FBXO40: variants seen among roughly 807,000 people sequenced by gnomAD.
The protein encoded by FBXO40 is F-box only protein 40.
Under a neutral mutation model 49.9 loss-of-function variants are expected in FBXO40, and 50 were observed. That is an observed-to-expected ratio of 1.00 (90% CI 0.80 to 1.27). The LOEUF is 1.27. Ranked by LOEUF, FBXO40 falls within the 50% of genes most tolerant of loss-of-function variation. FBXO40 has a pLI of 0.00. For synonymous variants in FBXO40, 340 were observed against 320.2 expected (o/e 1.06, Z -0.66); for missense variants, 895 against 870.1 (o/e 1.03, Z -0.36).
In FBXO40 at chr3:121,627,023, C is replaced by T. The variant is rs952501445; in HGVS notation, c.*113C>T. 18 of 962,658 alleles carry T rather than the reference C, an allele frequency of 1.9e-5. No individual in the cohort carries two copies. The highest frequency in any genetic ancestry group is 4.2e-5 in the Admixed American group (2 of 47,276). 59.6% of individuals were successfully genotyped at this position (962,658 alleles called of 1,614,324 possible). A position where few individuals can be genotyped will look rare whatever the true frequency, so the allele number is the denominator to read the frequency against. On this transcript the variant is annotated 3_prime_UTR_variant, in exon 4 of 4. Coordinates refer to ENST00000338040, the MANE Select transcript of FBXO40 (RefSeq NM_016298.4). ...TTCTGTAAACTGCCTATTTGCTTATCGGGGTGTATTGGAACACGCAATGTC... is the reference window on the plus strand; with the variant it reads ...TTCTGTAAACTGCCTATTTGCTTATTGGGGTGTATTGGAACACGCAATGTC...
In FBXO40 at chr3:121,622,774, G is replaced by T. The variant is rs143267823; in HGVS notation, c.1345G>T (p.Ala449Ser). The T allele has an allele frequency of 3.1e-6, 5 of 1,614,004 alleles. No homozygotes were observed. The African/African-American group carries it at 5.3e-5, about 17-fold the overall frequency. ...TGGGACAGTGCTGGCTGACCTAACC[G>T]CTGCCACCCCAGGGGGACTCCACGT... ...SSGTVLADLTAATPGGLHVEL... is the reference protein window; with the variant it reads ...SSGTVLADLTSATPGGLHVEL... Residue 449 changes from alanine to serine, a missense_variant, in exon 3 of 4, where the codon GCT (alanine) becomes TCT (serine). Transcript: ENST00000338040.
chr3:121,604,934 CTTTA>C (rs138412565), intron 1 of FBXO40, among the ~76,000 whole-genome samples: 63,169 of 145,436 alleles, frequency 0.43, 14,029 homozygotes, highest in Middle Eastern at 0.49. Context: ...GGTTGGCTGG[CTTTA>C]TTTATTTATT....
Position 121,627,064 on chromosome 3 carries a change from A to G in FBXO40, c.*154A>G. 1 of 647,546 alleles carries G rather than the reference A, an allele frequency of 1.5e-6. No homozygotes were observed. The allele number at this position is 647,546 out of a possible 1,614,324, so 40.1% of individuals were successfully genotyped here. On this transcript the variant is annotated 3_prime_UTR_variant, in exon 4 of 4. Transcript: ENST00000338040. Reference sequence around the variant, plus strand: ...ACGCAATGTCCTTCGAAACCTCAACACGAGGCCTAAGAATTTCCTAAGCCA... The same window carrying G: ...ACGCAATGTCCTTCGAAACCTCAACGCGAGGCCTAAGAATTTCCTAAGCCA...
chr3:121,612,725 G>T (rs1213978289), intron 1 of FBXO40, among the ~76,000 whole-genome samples: 1 of 151,946 alleles, frequency 6.6e-6, no homozygotes, highest in Non-Finnish European at 1.5e-5. Flanking sequence ...AACACCTGAG[G>T]TCCACCTTTC....
Position 121,629,058 on chromosome 3 carries a change from T to A in FBXO40, c.*2148T>A, listed in dbSNP as rs1360421043. ...AACAAAAGAAACAATCTAGTCAATCTGGGTGCTTTTATTTCCTGGGTTCTC... is the reference window on the plus strand; with the variant it reads ...AACAAAAGAAACAATCTAGTCAATCAGGGTGCTTTTATTTCCTGGGTTCTC... On this transcript the variant is annotated 3_prime_UTR_variant, in exon 4 of 4. Coordinates refer to ENST00000338040, the MANE Select transcript of FBXO40 (RefSeq NM_016298.4). The A allele has an allele frequency of 6.6e-6, 1 of 152,208 alleles. No homozygotes were observed. The highest frequency in any genetic ancestry group is 1.5e-5 in the Non-Finnish European group (1 of 68,036). The allele number at this position is 152,208 out of a possible 1,614,324, so 9.4% of individuals were successfully genotyped here. A position where few individuals can be genotyped will look rare whatever the true frequency, so the allele number is the denominator to read the frequency against.
intron 1 of FBXO40, among the ~76,000 whole-genome samples, chr3:121,617,648 G>C (rs917397019): frequency 6.6e-6 from 1 of 151,924 alleles, no homozygotes; most frequent in Non-Finnish European, 1.5e-5. Flanking sequence ...ATAAGTTCTA[G>C]TATTTGATAA....
In FBXO40 at chr3:121,630,154, T is replaced by C. The variant is rs755586548; in HGVS notation, c.*3244T>C. 11 of 152,248 alleles carry C rather than the reference T, an allele frequency of 7.2e-5. No homozygotes were observed. The highest frequency in any genetic ancestry group is 1.3e-4 in the Non-Finnish European group (9 of 68,050). The allele number at this position is 152,248 out of a possible 1,614,324, so 9.4% of individuals were successfully genotyped here. On this transcript the variant is annotated 3_prime_UTR_variant, in exon 4 of 4. Transcript: ENST00000338040. ...CTTGAAGATACGTCACGAAAATCACTATAAAAGTCTGATTTATGTGTGATG... is the reference window on the plus strand; with the variant it reads ...CTTGAAGATACGTCACGAAAATCACCATAAAAGTCTGATTTATGTGTGATG...
intron 3 of FBXO40, among the ~76,000 whole-genome samples, chr3:121,623,675 T>C (rs1365816709): frequency 1.4e-5 from 2 of 147,946 alleles, no homozygotes; most frequent in African/African-American, 5.1e-5. Flanking sequence ...CCTTAACAAA[T>C]ATTTTTAAAG....
chr3:121,598,813 G>A (rs999356945), intron 1 of FBXO40, among the ~76,000 whole-genome samples: 3 of 152,140 alleles, frequency 2.0e-5, no homozygotes, highest in Admixed American at 2.0e-4. Flanking sequence ...ACTGAACTGG[G>A]CCCAATTTAC....
rs1184687916 is a variant in FBXO40 at position 121,628,845 on chromosome 3, A to G, written c.*1935A>G. 2.0e-5 allele frequency: 3 copies of G among 152,238 alleles called. No individual in the cohort carries two copies. The highest frequency in any genetic ancestry group is 4.4e-5 in the Non-Finnish European group (3 of 68,048). 9.4% of individuals were successfully genotyped at this position (152,238 alleles called of 1,614,324 possible). ...TCATGTCCTTCAGCCACCCCCAAGAATGTATCCTTTCAGCTCTCTTTGGTT... is the reference window on the plus strand; with the variant it reads ...TCATGTCCTTCAGCCACCCCCAAGAGTGTATCCTTTCAGCTCTCTTTGGTT... On this transcript the variant is annotated 3_prime_UTR_variant, in exon 4 of 4. Transcript: ENST00000338040.
intron 1 of FBXO40, among the ~76,000 whole-genome samples, chr3:121,600,899 G>C (rs1237647389): frequency 6.6e-6 from 1 of 152,150 alleles, no homozygotes; most frequent in Non-Finnish European, 1.5e-5. Flanking sequence ...AAACCCCATG[G>C]GGGATAAGGA....
At chr3:121,624,348 A>C (rs968491974) in intron 3 of FBXO40, among the ~76,000 whole-genome samples, 2 of 152,152 alleles carry the variant, frequency 1.3e-5, no homozygotes, top group Non-Finnish European at 2.9e-5. Context: ...TGCTGAGAAT[A>C]AGACTGACTC....
At chr3:121,610,036 A>G (rs935917937) in intron 1 of FBXO40, among the ~76,000 whole-genome samples, 1 of 152,220 alleles carries the variant, frequency 6.6e-6, no homozygotes. Context: ...TTATGGGTTC[A>G]GGAGCCGATT....
At position 121,622,269 on chromosome 3, in the gene FBXO40, A is replaced by C; in HGVS notation, c.840A>C (p.Thr280=). ...QENQKQQDVR[T]AMETTGLAPW... ...ATCAGAAGCAGCAGGACGTTCGTAC[A>C]GCCATGGAAACCACAGGGCTTGCCC... The change falls in exon 3 of 4, where the codon ACA becomes ACC. Residue 280 remains threonine, a synonymous_variant. Coordinates refer to ENST00000338040, the MANE Select transcript of FBXO40 (RefSeq NM_016298.4). 1 of 1,614,234 alleles carries C rather than the reference A, an allele frequency of 6.2e-7. No individual in the cohort carries two copies. The highest frequency in any genetic ancestry group is 8.5e-7 in the Non-Finnish European group (1 of 1,180,050).
intron 1 of FBXO40, among the ~76,000 whole-genome samples, chr3:121,609,524 T>G: frequency 6.6e-6 from 1 of 152,074 alleles, no homozygotes; most frequent in East Asian, 1.9e-4. Context: ...GTTGTGAGGT[T>G]GAATGAGTAT....
Position 121,599,705 on chromosome 3 carries a change from C to CACAT in FBXO40, c.-31+6204_-31+6205insCATA, listed in dbSNP as rs1214125029. 7.6e-3 allele frequency among the ~76,000 whole-genome samples: 450 copies of CACAT among 59,466 alleles called. 3 individuals are homozygous for CACAT. Among genetic ancestry groups the CACAT allele is most frequent in the African/African-American group, 0.023 (380 of 16,338 alleles). The allele number at this position is 59,466 out of a possible 152,430, so 39.0% of individuals were successfully genotyped here. A position where few individuals can be genotyped will look rare whatever the true frequency, so the allele number is the denominator to read the frequency against. ...ACACACACACACACACACACACACACATATATATATATATATATATTTTTT... is the reference window on the plus strand; with the variant it reads ...ACACACACACACACACACACACACACACATATATATATATATATATATATTTTTT... On this transcript the variant is annotated intron_variant, in intron 1 of 3. Transcript: ENST00000338040.
At chr3:121,604,261 A>G (rs558378789) in intron 1 of FBXO40, among the ~76,000 whole-genome samples, 1 of 152,354 alleles carries the variant, frequency 6.6e-6, no homozygotes, top group African/African-American at 2.4e-5. Flanking sequence ...CTGGAGGAGC[A>G]ATAGGTCTGT....
intron 1 of FBXO40, among the ~76,000 whole-genome samples, chr3:121,613,504 C>T (rs532884743): frequency 6.6e-6 from 1 of 152,218 alleles, no homozygotes; most frequent in East Asian, 1.9e-4. Flanking sequence ...AAAGCGGGGC[C>T]CGGCTGTCCG....
At chr3:121,613,129 A>C (rs1224344519) in intron 1 of FBXO40, among the ~76,000 whole-genome samples, 1 of 151,936 alleles carries the variant, frequency 6.6e-6, no homozygotes, top group Non-Finnish European at 1.5e-5. Flanking sequence ...CCCTTCCCTA[A>C]TAGGTTAAAA....
Sources: allele counts gnomAD v4.1 joint callset (sites outside exome capture counted in the v4.1 genomes callset), GRCh38; gene constraint gnomAD v4.1.1; transcripts MANE v1.5; gene names NCBI Gene and HGNC (gene_info 2026-07-23, HGNC 2026-07-21).